VTI1A: variants seen among roughly 807,000 people sequenced by gnomAD.
VTI1A encodes vesicle transport through interaction with t-SNAREs 1A.
In VTI1A, 22 loss-of-function variants were observed where a neutral mutation model predicts 34.9. The observed-to-expected ratio is 0.63, with a 90% CI of 0.45 to 0.90. The LOEUF is 0.90. VTI1A is among the 40% of genes least tolerant of loss of function. The pLI is 0.00. For synonymous variants in VTI1A, 87 were observed against 97.3 expected (o/e 0.89, Z 0.62); for missense variants, 268 against 275.6 (o/e 0.97, Z 0.20).
At chr10:112,628,043 C>T (rs1256288832) in intron 5 of VTI1A, among the ~76,000 whole-genome samples, 1 of 152,102 alleles carries the variant, frequency 6.6e-6, no homozygotes, top group Non-Finnish European at 1.5e-5. Context: ...TGCAAAACCA[C>T]ACGTTTTTCT....
At chr10:112,537,220 A>C (rs993435752) in intron 4 of VTI1A, among the ~76,000 whole-genome samples, 7 of 150,284 alleles carry the variant, frequency 4.7e-5, no homozygotes, top group Non-Finnish European at 1.0e-4. Flanking sequence ...TTGAGAAGGG[A>C]AGATATTAAC....
intron 5 of VTI1A, among the ~76,000 whole-genome samples, chr10:112,622,180 C>A (rs1438782441): frequency 1.3e-5 from 2 of 152,146 alleles, no homozygotes; most frequent in Admixed American, 1.3e-4. Flanking sequence ...AATGTATCAA[C>A]AACATGCCAT....
In VTI1A at chr10:112,706,025, G is replaced by A. The variant is rs7898037; in HGVS notation, c.560+37027G>A. ...CATCAATCTTCCATCTTTTGTGTTA[G>A]GTGGACTGTCACAAATGTAGCCTAG... On this transcript the variant is annotated intron_variant, in intron 7 of 7. Coordinates refer to ENST00000393077, the MANE Select transcript of VTI1A (RefSeq NM_145206.4). Among the ~76,000 whole-genome samples, 803 of 152,234 alleles carry A rather than the reference G, an allele frequency of 5.3e-3. 6 individuals carry two copies. The highest frequency in any genetic ancestry group is 0.019 in the African/African-American group (771 of 41,520).
intron 5 of VTI1A, among the ~76,000 whole-genome samples, chr10:112,620,289 CTG>C (rs1845679279): frequency 1.3e-5 from 2 of 152,184 alleles, no homozygotes; most frequent in Non-Finnish European, 2.9e-5. Context: ...GTACTAGGCA[CTG>C]TGGATCTATG....
In VTI1A at chr10:112,464,619, A is replaced by T. The variant is rs752264653; in HGVS notation, c.226A>T (p.Ser76Cys). 1 of 1,612,668 alleles carries T rather than the reference A, an allele frequency of 6.2e-7. No homozygotes were observed. The highest frequency in any genetic ancestry group is 1.1e-5 in the South Asian group (1 of 90,940). The stretch of plus-strand genomic sequence containing the variant: ...AGGGATGTACAGCAACAGAATGAGA[A>T]GCTACAAACAAGAAATGGGAAAACT... ...SRGMYSNRMR[S>C]YKQEMGKLET... Residue 76 changes from serine (S) to cysteine (C), a missense_variant, in exon 3 of 8, where the codon AGC (serine) becomes TGC (cysteine). Transcript: ENST00000393077.
intron 3 of VTI1A, among the ~76,000 whole-genome samples, chr10:112,497,178 C>T (rs1849057331): frequency 6.6e-6 from 1 of 151,948 alleles, no homozygotes; most frequent in East Asian, 1.9e-4. Flanking sequence ...GTTAGCTGGG[C>T]GTGGTGGCAA....
intron 5 of VTI1A, among the ~76,000 whole-genome samples, chr10:112,637,407 G>A (rs993882073): frequency 1.3e-5 from 2 of 152,136 alleles, no homozygotes; most frequent in East Asian, 3.8e-4. Context: ...GGTGGCTCAC[G>A]CCTGTAATCC....
chr10:112,593,277 T>A (rs1471435929), intron 5 of VTI1A, among the ~76,000 whole-genome samples: 1 of 152,238 alleles, frequency 6.6e-6, no homozygotes, highest in Non-Finnish European at 1.5e-5. Context: ...TAGGCATCAA[T>A]ATTTTTTAAA....
chr10:112,623,711 G>C (rs1479897182), intron 5 of VTI1A, among the ~76,000 whole-genome samples: 1 of 152,096 alleles, frequency 6.6e-6, no homozygotes, highest in Non-Finnish European at 1.5e-5. Context: ...CATTCCTATA[G>C]GATTCCTCTG....
At chr10:112,647,647 A>G (rs1846851653) in intron 5 of VTI1A, among the ~76,000 whole-genome samples, 1 of 152,232 alleles carries the variant, frequency 6.6e-6, no homozygotes, top group South Asian at 2.1e-4. Flanking sequence ...GTCAAGACTA[A>G]AAGTATGTTT....
intron 7 of VTI1A, among the ~76,000 whole-genome samples, chr10:112,680,302 T>C (rs774393089): frequency 5.9e-5 from 9 of 152,198 alleles, no homozygotes; most frequent in Non-Finnish European, 1.0e-4. Context: ...GTCACATATA[T>C]TATTTTTTTA....
At chr10:112,598,521 T>G (rs1589956184) in intron 5 of VTI1A, among the ~76,000 whole-genome samples, 1 of 152,364 alleles carries the variant, frequency 6.6e-6, no homozygotes. Flanking sequence ...AGGCTATTTT[T>G]AAAATGACCT....
intron 5 of VTI1A, among the ~76,000 whole-genome samples, chr10:112,584,097 A>G (rs550428157): frequency 7.9e-4 from 120 of 152,342 alleles, no homozygotes; most frequent in African/African-American, 2.8e-3. Context: ...TTTAGCATCT[A>G]CAATAGTATT....
At chr10:112,759,517 C>T (rs1165804716) in intron 7 of VTI1A, among the ~76,000 whole-genome samples, 4 of 152,132 alleles carry the variant, frequency 2.6e-5, no homozygotes, top group African/African-American at 7.2e-5. Flanking sequence ...AGCGACACTG[C>T]GTTAGAAAGT....
At chr10:112,734,426 C>T (rs1180576066) in intron 7 of VTI1A, among the ~76,000 whole-genome samples, 4 of 152,128 alleles carry the variant, frequency 2.6e-5, no homozygotes, top group South Asian at 2.1e-4. Flanking sequence ...TATAATCCTG[C>T]GTTTTACCTT....
chr10:112,606,544 TC>T (rs892983262), intron 5 of VTI1A, among the ~76,000 whole-genome samples: 1 of 152,146 alleles, frequency 6.6e-6, no homozygotes, highest in Non-Finnish European at 1.5e-5. Context: ...TGTCTGCATT[TC>T]CCCATCACAA....
At chr10:112,699,172 C>T (rs1342905268) in intron 7 of VTI1A, among the ~76,000 whole-genome samples, 5 of 152,202 alleles carry the variant, frequency 3.3e-5, no homozygotes, top group Non-Finnish European at 7.3e-5. Context: ...TGGCAGTTAC[C>T]ATCACTTTAG....
At chr10:112,513,720 A>T (rs1367670512) in intron 3 of VTI1A, among the ~76,000 whole-genome samples, 1 of 43,870 alleles carries the variant, frequency 2.3e-5, no homozygotes, top group African/African-American at 1.0e-4. Flanking sequence ...CTGTATACCT[A>T]ATCTGTTGAG....
rs1178769300 is a variant in VTI1A at position 112,491,601 on chromosome 10, TTAATC to T, written c.264+26949_264+26953del. On this transcript the variant is annotated intron_variant, in intron 3 of 7. Transcript: ENST00000393077. The stretch of plus-strand genomic sequence containing the variant: ...AATTGATTTTAGTAATATATTTTCT[TTAATC>T]TAATAGCTCCAAACAAAATATTACC... 4.6e-5 allele frequency among the ~76,000 whole-genome samples: 7 copies of T among 152,358 alleles called. No individual in the cohort carries two copies. The South Asian group carries it at 1.0e-3, about 23-fold the overall frequency.
Sources: gnomAD v4.1 joint callset for allele counts (sites outside exome capture counted in the v4.1 genomes callset) on GRCh38, gnomAD v4.1.1 for gene constraint, MANE v1.5 for transcripts, NCBI Gene and HGNC (gene_info 2026-07-23, HGNC 2026-07-21) for gene names.